Variants in GABRA2 observed in about 807,000 individuals in gnomAD.
GABRA2 encodes gamma-aminobutyric acid type A receptor subunit alpha2.
In GABRA2, 16 loss-of-function variants were observed where a neutral mutation model predicts 48.7. The ratio of observed to expected loss-of-function variants is 0.33; its 90% CI spans 0.22 to 0.50. The LOEUF (loss-of-function observed/expected upper bound fraction) is 0.50. Ranked by LOEUF, GABRA2 falls within the 20% of genes least tolerant of loss-of-function variation. The pLI is 0.98. For missense variants in GABRA2, 275 were observed against 535.6 expected, an observed-to-expected ratio of 0.51 and a Z score of 4.80; for synonymous variants, 185 against 184.5, an observed-to-expected ratio of 1.00 and a Z score of -0.02.
intron 3 of GABRA2, among the ~76,000 whole-genome samples, chr4:46,353,023 T>C (rs1279288390): frequency 6.6e-6 from 1 of 152,158 alleles, no homozygotes; most frequent in African/African-American, 2.4e-5. Context: ...ATTTTGTGCA[T>C]ATCATTTTTA....
chr4:46,260,592 T>C (rs1343086694), intron 9 of GABRA2, among the ~76,000 whole-genome samples: 1 of 151,916 alleles, frequency 6.6e-6, no homozygotes, highest in Non-Finnish European at 1.5e-5. Flanking sequence ...AAAGGTCTAA[T>C]ATTTTATCTC....
chr4:46,341,394 C>T (rs1578111275), intron 3 of GABRA2, among the ~76,000 whole-genome samples: 1 of 151,896 alleles, frequency 6.6e-6, no homozygotes, highest in East Asian at 1.9e-4. Flanking sequence ...GGTGTGTGTG[C>T]ATGTACGTGT....
chr4:46,372,000 T>G (rs927257254), intron 3 of GABRA2, among the ~76,000 whole-genome samples: 1 of 152,134 alleles, frequency 6.6e-6, no homozygotes, highest in African/African-American at 2.4e-5. Flanking sequence ...CCCAGGAGCT[T>G]GTTAGAAATG....
At chr4:46,332,368 G>T (rs191434818) in intron 4 of GABRA2, among the ~76,000 whole-genome samples, 11 of 152,076 alleles carry the variant, frequency 7.2e-5, no homozygotes, top group African/African-American at 2.6e-4. Flanking sequence ...TTAAATAATT[G>T]TTTATTACAC....
At chr4:46,262,906 C>CGAAA (rs369935624) in intron 8 of GABRA2, among the ~76,000 whole-genome samples, 2,923 of 93,294 alleles carry the variant, frequency 0.031, 102 homozygotes, top group African/African-American at 0.11. Context: ...AAAGAAAGAA[C>CGAAA]GAAAGAAAGA....
chr4:46,289,241 G>A (rs112041047), intron 8 of GABRA2, among the ~76,000 whole-genome samples: 1 of 152,226 alleles, frequency 6.6e-6, no homozygotes, highest in East Asian at 1.9e-4. Context: ...CTATTGTAAA[G>A]ATGCATGCCT....
intron 3 of GABRA2, among the ~76,000 whole-genome samples, chr4:46,359,217 A>G (rs1712730754): frequency 6.6e-6 from 1 of 152,148 alleles, no homozygotes; most frequent in Non-Finnish European, 1.5e-5. Context: ...TTAGGGAGAT[A>G]CTCTTAAACT....
intron 6 of GABRA2, among the ~76,000 whole-genome samples, chr4:46,308,665 C>T (rs1276225783): frequency 1.3e-5 from 2 of 152,172 alleles, no homozygotes; most frequent in East Asian, 3.9e-4. Context: ...TGCCTAGCAG[C>T]AAACTTTATT....
chr4:46,250,463 C>T lies in GABRA2; in HGVS notation c.1201G>A (p.Glu401Lys). 6.2e-7 allele frequency: 1 copy of T among 1,612,108 alleles called. No individual in the cohort carries two copies. The highest frequency in any genetic ancestry group is 8.5e-7 in the Non-Finnish European group (1 of 1,178,706). ...ATTPEPNKKP[E>K]NKPAEAKKTF... ...TTCTTTGCTTCAGCTGGCTTGTTTTCTGGCTTCTTGTTGGGTTCTGGCGTG... is the reference window on the plus strand; with the variant it reads ...TTCTTTGCTTCAGCTGGCTTGTTTTTTGGCTTCTTGTTGGGTTCTGGCGTG... Residue 401 changes from glutamate (E) to lysine (K), a missense_variant, in exon 10 of 10, where the codon GAA becomes AAA. By Grantham distance (56) the Glu-to-Lys change is moderately conservative. Coordinates refer to ENST00000381620, the MANE Select transcript of GABRA2 (RefSeq NM_000807.4).
At chr4:46,264,335 G>A (rs1025950441) in intron 8 of GABRA2, among the ~76,000 whole-genome samples, 15 of 151,974 alleles carry the variant, frequency 9.9e-5, no homozygotes, top group Admixed American at 9.2e-4. Flanking sequence ...AATTGCCCTA[G>A]CTAGAACCTG....
chr4:46,303,604 T>G lies in GABRA2; in HGVS notation c.712A>C (p.Thr238Pro). The G allele has an allele frequency of 6.2e-7, 1 of 1,613,200 alleles. No individual in the cohort carries two copies. The highest frequency in any genetic ancestry group is 8.5e-7 in the Non-Finnish European group (1 of 1,179,316). ...ETIKSSTGEY[T>P]VMTAHFHLKR... ...AGGTGGAAATGAGCTGTCATTACAG[T>G]ATATTCACCTGGAAGAAAAATTTAA... Residue 238 changes from threonine (T) to proline (P), a missense_variant, in exon 8 of 10, where the codon ACT becomes CCT. Transcript: ENST00000381620.
intron 3 of GABRA2, among the ~76,000 whole-genome samples, chr4:46,337,928 GA>G (rs1732539141): frequency 2.0e-5 from 3 of 151,890 alleles, no homozygotes; most frequent in African/African-American, 7.2e-5. Flanking sequence ...AATAATAGCT[GA>G]ACTGTACTGG....
chr4:46,273,143 T>C (rs1719673055), intron 8 of GABRA2, among the ~76,000 whole-genome samples: 1 of 151,568 alleles, frequency 6.6e-6, no homozygotes, highest in Non-Finnish European at 1.5e-5. Flanking sequence ...TTAGTTAAGG[T>C]AGTATTGTTT....
Position 46,244,771 on chromosome 4 carries a change from C to A in GABRA2, c.*5537G>T, listed in dbSNP as rs183398023. On this transcript the variant is annotated 3_prime_UTR_variant, in exon 10 of 10. Transcript: ENST00000381620. ...TTAATACGTGATCATTACTTGTGAA[C>A]CAAAAAAGAAAACTGCAATATATTC... Among the ~76,000 whole-genome samples, 7 of 151,222 alleles carry A rather than the reference C, an allele frequency of 4.6e-5. No homozygotes were observed. The highest frequency in any genetic ancestry group is 1.7e-4 in the African/African-American group (7 of 41,318).
chr4:46,286,725 T>G (rs1005635649), intron 8 of GABRA2, among the ~76,000 whole-genome samples: 5 of 152,188 alleles, frequency 3.3e-5, no homozygotes, highest in Non-Finnish European at 7.4e-5. Context: ...TTTCATGTGC[T>G]TATATGTCAG....
chr4:46,252,627 A>T, intron 9 of GABRA2, among the ~76,000 whole-genome samples: 1 of 151,448 alleles, frequency 6.6e-6, no homozygotes, highest in Middle Eastern at 3.2e-3. Context: ...TGGTCTGAGG[A>T]AGCTGTTTGA....
chr4:46,348,811 A>C (rs1344490710), intron 3 of GABRA2, among the ~76,000 whole-genome samples: 1 of 150,530 alleles, frequency 6.6e-6, no homozygotes, highest in Non-Finnish European at 1.5e-5. Context: ...GCATTAGGAG[A>C]TATACCTAAT....
At chr4:46,302,786 A>C (rs1725970164) in intron 8 of GABRA2, 1 of 152,208 alleles carries the variant, frequency 6.6e-6, no homozygotes, top group Non-Finnish European at 1.5e-5. Context: ...AGCTGCTCAC[A>C]TGTAAATATG....
rs1723936098 is a variant in GABRA2 at position 46,292,860 on chromosome 4, C to G, written c.856+10600G>C. ...AAATAGATTTGTGAGGGCAGCACCT[C>G]CATCTTTGAAGAGCCCTGTAATTGC... On this transcript the variant is annotated intron_variant, in intron 8 of 9. Transcript: ENST00000381620. 2.0e-5 allele frequency among the ~76,000 whole-genome samples: 3 copies of G among 152,184 alleles called. No individual in the cohort carries two copies. The South Asian group carries it at 6.2e-4, about 31-fold the overall frequency.
Sources: gnomAD v4.1 joint callset for allele counts (sites outside exome capture counted in the v4.1 genomes callset) on GRCh38, gnomAD v4.1.1 for gene constraint, MANE v1.5 for transcripts, NCBI Gene and HGNC (gene_info 2026-07-23, HGNC 2026-07-21) for gene names.